Variants in BNIP3L observed in about 807,000 individuals in gnomAD.
The protein encoded by BNIP3L is BCL2 interacting protein 3 like, also known as BCL2/adenovirus E1B 19 kDa protein-interacting protein 3-like.
Under a neutral mutation model 25.5 loss-of-function variants are expected in BNIP3L, and 10 were observed. The observed-to-expected ratio is 0.39, with a 90% CI of 0.24 to 0.67. BNIP3L has a LOEUF of 0.67. Among genes scored for constraint, BNIP3L ranks in the 30% least tolerant of loss-of-function variants. The pLI, the probability that BNIP3L is intolerant of heterozygous loss-of-function variation, is 0.45. For missense variants in BNIP3L, 215 were observed against 270.9 expected, an observed-to-expected ratio of 0.79 and a Z score of 1.45; for synonymous variants, 113 against 101.2, an observed-to-expected ratio of 1.12 and a Z score of -0.70.
At chr8:26,402,113 A>G (rs1806397896) in intron 3 of BNIP3L, among the ~76,000 whole-genome samples, 2 of 152,190 alleles carry the variant, frequency 1.3e-5, no homozygotes, top group African/African-American at 4.8e-5. Context: ...TCCACCCAGT[A>G]TTCTTTCTGT....
chr8:26,407,335 G>A (rs1297957495), intron 3 of BNIP3L, among the ~76,000 whole-genome samples: 5 of 151,874 alleles, frequency 3.3e-5, no homozygotes, highest in East Asian at 3.9e-4. Context: ...ACAGGTGCCC[G>A]CCATCACGCC....
At chr8:26,387,313 A>G (rs1359779656) in intron 1 of BNIP3L, among the ~76,000 whole-genome samples, 2 of 152,094 alleles carry the variant, frequency 1.3e-5, no homozygotes, top group Non-Finnish European at 2.9e-5. Flanking sequence ...AAAATATCTC[A>G]TGTCATTGTA....
intron 3 of BNIP3L, among the ~76,000 whole-genome samples, chr8:26,403,274 T>A (rs527264774): frequency 6.6e-6 from 1 of 152,286 alleles, no homozygotes; most frequent in East Asian, 1.9e-4. Flanking sequence ...ACCTTTGACA[T>A]TGCCTTTTTT....
intron 3 of BNIP3L, among the ~76,000 whole-genome samples, chr8:26,401,561 T>TAAAAA (rs1173522728): frequency 6.2e-5 from 3 of 48,514 alleles, no homozygotes; most frequent in Admixed American, 2.2e-4. Context: ...AAACTTAAAT[T>TAAAAA]AAAAAAAAAA....
intron 3 of BNIP3L, among the ~76,000 whole-genome samples, chr8:26,398,747 A>G (rs1250615640): frequency 1.1e-5 from 1 of 87,164 alleles, no homozygotes; most frequent in East Asian, 7.2e-4. Flanking sequence ...AAAGAAAAAA[A>G]GAGAGAAGAA....
intron 1 of BNIP3L, 133 bp downstream of exon 1, chr8:26,383,363 G>A (rs1274175224): frequency 3.4e-6 from 5 of 1,469,166 alleles, no homozygotes; most frequent in Non-Finnish European, 4.5e-6. Context: ...CCAGGTGACT[G>A]ACAGCTCCCG....
At chr8:26,391,451 G>A in intron 2 of BNIP3L, 25 bp downstream of exon 2, 3 of 1,498,224 alleles carry the variant, frequency 2.0e-6, no homozygotes, top group Non-Finnish European at 2.7e-6. Context: ...TGTTTTGGTG[G>A]AATTCAGGAA....
intron 2 of BNIP3L, among the ~76,000 whole-genome samples, chr8:26,392,647 A>G (rs749322910): frequency 7.9e-5 from 12 of 151,768 alleles, no homozygotes; most frequent in Non-Finnish European, 1.5e-4. Context: ...AAGCGGAACC[A>G]GAGCAGATGG....
chr8:26,384,780 C>G (rs973296288), intron 1 of BNIP3L, among the ~76,000 whole-genome samples: 3 of 147,502 alleles, frequency 2.0e-5, no homozygotes, highest in Non-Finnish European at 3.0e-5. Flanking sequence ...TGTCTACAAC[C>G]TCCGCCTCCC....
intron 3 of BNIP3L, among the ~76,000 whole-genome samples, chr8:26,407,541 T>C (rs1298094001): frequency 6.6e-6 from 1 of 151,484 alleles, no homozygotes; most frequent in Non-Finnish European, 1.5e-5. Context: ...TTGGCCAGGC[T>C]GGTCTCCAGC....
chr8:26,389,637 G>A (rs114070573), intron 1 of BNIP3L, among the ~76,000 whole-genome samples: 2,472 of 152,306 alleles, frequency 0.016, 65 homozygotes, highest in African/African-American at 0.057. Context: ...GAAAATTCTA[G>A]TGTATAACTG....
chr8:26,386,157 G>C (rs1290634978), intron 1 of BNIP3L, among the ~76,000 whole-genome samples: 1 of 152,166 alleles, frequency 6.6e-6, no homozygotes. Flanking sequence ...TATTTGAATA[G>C]TGAAGTATTT....
rs1806604196 is a variant in BNIP3L, at chr8:26,410,739, A to G, written c.*327A>G. The G allele has an allele frequency of 6.8e-6, 2 of 294,952 alleles. No individual in the cohort carries two copies. Among genetic ancestry groups the G allele is most frequent in the Admixed American group, 4.6e-5 (1 of 21,946 alleles). 18.3% of individuals were successfully genotyped at this position (294,952 alleles called of 1,614,324 possible). On this transcript the variant is annotated 3_prime_UTR_variant, in exon 6 of 6. Coordinates refer to ENST00000380629, the MANE Select transcript of BNIP3L (RefSeq NM_004331.3). ...AATGCTATTATCTCTAATTAGTGCC[A>G]CCAGACTAGACCTGTATCATTCATG...
At chr8:26,406,717 G>T (rs1369799987) in intron 3 of BNIP3L, among the ~76,000 whole-genome samples, 1 of 151,838 alleles carries the variant, frequency 6.6e-6, no homozygotes, top group African/African-American at 2.4e-5. Context: ...AGCTACTTGG[G>T]AGGTTGAGGT....
rs1432326875 is a variant in BNIP3L at position 26,411,735 on chromosome 8, G to C, written c.*1323G>C. The stretch of plus-strand genomic sequence containing the variant: ...TTGTTAGAAAGCATCAGGATGACCA[G>C]TTATCTCGAGTAGATTTTCTTGGAT... On this transcript the variant is annotated 3_prime_UTR_variant, in exon 6 of 6. Transcript: ENST00000380629. The C allele has an allele frequency of 6.6e-6, 1 of 152,606 alleles. No homozygotes were observed. The highest frequency in any genetic ancestry group is 1.5e-5 in the Non-Finnish European group (1 of 68,024). 9.5% of individuals were successfully genotyped at this position (152,606 alleles called of 1,614,324 possible).
At chr8:26,405,958 G>C (rs1212998885) in intron 3 of BNIP3L, among the ~76,000 whole-genome samples, 1 of 152,218 alleles carries the variant, frequency 6.6e-6, no homozygotes, top group Admixed American at 6.5e-5. Context: ...CAGGAGAATT[G>C]CTAGAACCCA....
intron 5 of BNIP3L, 55 bp from the exon 6 acceptor site, chr8:26,410,309 A>G: frequency 6.2e-7 from 1 of 1,602,582 alleles, no homozygotes; most frequent in South Asian, 1.1e-5. Flanking sequence ...CCTGTGGACA[A>G]GCTGGTATAG....
In BNIP3L at chr8:26,411,147, G is replaced by A. The variant is rs1806614944; in HGVS notation, c.*735G>A. 6.6e-6 allele frequency: 1 copy of A among 150,944 alleles called. No homozygotes were observed. Among genetic ancestry groups the A allele is most frequent in the Non-Finnish European group, 1.5e-5 (1 of 67,096 alleles). 9.4% of individuals were successfully genotyped at this position (150,944 alleles called of 1,614,324 possible). Reference sequence around the variant, plus strand: ...GTTGTAATGCTGTCTTTTCTATGGTGTAGAATCTTTCTTTCTGATAAGGAA... The same window carrying A: ...GTTGTAATGCTGTCTTTTCTATGGTATAGAATCTTTCTTTCTGATAAGGAA... On this transcript the variant is annotated 3_prime_UTR_variant, in exon 6 of 6. Transcript: ENST00000380629.
chr8:26,402,343 A>G (rs1806403980), intron 3 of BNIP3L, among the ~76,000 whole-genome samples: 1 of 152,226 alleles, frequency 6.6e-6, no homozygotes, highest in Non-Finnish European at 1.5e-5. Context: ...GCAGTAAGCT[A>G]TAGCTGATGT....
Sources: allele counts gnomAD v4.1 joint callset (sites outside exome capture counted in the v4.1 genomes callset), GRCh38; gene constraint gnomAD v4.1.1; transcripts MANE v1.5; gene names NCBI Gene and HGNC (gene_info 2026-07-23, HGNC 2026-07-21).